PTPRN2: variants seen among roughly 807,000 people sequenced by gnomAD.
The protein encoded by PTPRN2 is protein tyrosine phosphatase receptor type N2, also known as receptor-type tyrosine-protein phosphatase N2.
A neutral mutation model predicts 118.8 loss-of-function variants in PTPRN2; 74 were observed. The observed-to-expected ratio is 0.62, with a 90% CI of 0.52 to 0.76. PTPRN2 has a LOEUF of 0.76. Ranked by LOEUF, PTPRN2 falls within the 30% of genes least tolerant of loss-of-function variation. The probability of loss-of-function intolerance (pLI) is 0.00; values close to 1 mark genes in which losing one functional copy is unlikely to be tolerated. For missense variants in PTPRN2, 1,481 were observed against 1,394.4 expected (o/e 1.06, Z -0.99); for synonymous variants, 641 against 608.0 (o/e 1.05, Z -0.80).
intron 5 of PTPRN2, among the ~76,000 whole-genome samples, chr7:158,188,269 CCCCT>C (rs1345308244): frequency 7.7e-5 from 8 of 104,064 alleles, no homozygotes; most frequent in Admixed American, 1.0e-4. Flanking sequence ...CCACGCTCGC[CCCCT>C]GTATGGGGAA....
intron 12 of PTPRN2, among the ~76,000 whole-genome samples, chr7:157,712,948 T>C (rs1798722315): frequency 6.6e-6 from 1 of 152,054 alleles, no homozygotes; most frequent in Admixed American, 6.6e-5. Context: ...CTCCCAGCAC[T>C]GTGGGAGAAT....
Position 157,973,121 on chromosome 7 carries a change from C to T in PTPRN2, c.1724-74384G>A, listed in dbSNP as rs59986558. ...CATAAGCCTGCACTCTGGGCTGCAG[C>T]GGCCTCACTGGCCTGCAGGAGAGGC... On this transcript the variant is annotated intron_variant, in intron 11 of 22. Coordinates refer to ENST00000389418, the MANE Select transcript of PTPRN2 (RefSeq NM_002847.5). 2.0e-3 allele frequency among the ~76,000 whole-genome samples: 306 copies of T among 152,310 alleles called. 2 individuals carry two copies. Among genetic ancestry groups the T allele is most frequent in the African/African-American group, 7.0e-3 (291 of 41,568 alleles).
chr7:158,313,321 C>A (rs539200089), intron 3 of PTPRN2, among the ~76,000 whole-genome samples: 2 of 152,324 alleles, frequency 1.3e-5, no homozygotes, highest in East Asian at 3.9e-4. Flanking sequence ...CCAGGACACA[C>A]CCCACAGCTG....
chr7:158,332,548 C>A (rs4909185), intron 2 of PTPRN2, among the ~76,000 whole-genome samples: 2 of 112,898 alleles, frequency 1.8e-5, no homozygotes, highest in Non-Finnish European at 3.7e-5. Context: ...TCCATACTCT[C>A]ACCATAAGAG....
intron 2 of PTPRN2, among the ~76,000 whole-genome samples, chr7:158,361,753 G>A (rs1347633806): frequency 1.3e-5 from 2 of 152,098 alleles, no homozygotes; most frequent in Non-Finnish European, 2.9e-5. Context: ...TACCAACAAG[G>A]GCCCCAGGAA....
rs1807597177 is a variant in PTPRN2, at chr7:157,831,951, G to T, written c.1788+66722C>A. Among the ~76,000 whole-genome samples the T allele has an allele frequency of 6.6e-6, 1 of 152,248 alleles. No individual in the cohort carries two copies. The highest frequency in any genetic ancestry group is 2.4e-5 in the African/African-American group (1 of 41,472). On this transcript the variant is annotated intron_variant, in intron 12 of 22. Coordinates refer to ENST00000389418, the MANE Select transcript of PTPRN2 (RefSeq NM_002847.5). The surrounding 1 kb of genome is among the most constrained non-coding windows in gnomAD (Gnocchi z 4.8). ...GTTGTTGGAAAACGGAAAGAAGTTT[G>T]TCTGGCAGTTGCTTCGTCTGCATGA...
At chr7:158,018,272 A>G (rs969162368) in intron 11 of PTPRN2, among the ~76,000 whole-genome samples, 2 of 152,246 alleles carry the variant, frequency 1.3e-5, no homozygotes, top group Non-Finnish European at 2.9e-5. Context: ...CATACAAATT[A>G]GCACAACAGG....
At position 157,670,220 on chromosome 7, in the gene PTPRN2, CA is replaced by C. The variant is rs1246370088; in HGVS notation, c.2001+12504del. ...GGGTGGCTGGGAAACGCAGGTGCTC[CA>C]CGTGAAGCACAGAAGGCACGTACGG... On this transcript the variant is annotated intron_variant, in intron 13 of 22. Coordinates refer to ENST00000389418, the MANE Select transcript of PTPRN2 (RefSeq NM_002847.5). 5.9e-5 allele frequency among the ~76,000 whole-genome samples: 9 copies of C among 152,282 alleles called. No individual in the cohort carries two copies. The South Asian group carries it at 1.5e-3, about 25-fold the overall frequency.
intron 3 of PTPRN2, among the ~76,000 whole-genome samples, chr7:158,234,304 G>A (rs1829375503): frequency 6.6e-6 from 1 of 150,696 alleles, no homozygotes; most frequent in Admixed American, 6.6e-5. Flanking sequence ...TTAAAAATGG[G>A]CAAAAGATCT....
At chr7:158,180,727 GATTT>G (rs1824632977) in intron 5 of PTPRN2, among the ~76,000 whole-genome samples, 1 of 152,098 alleles carries the variant, frequency 6.6e-6, no homozygotes. Flanking sequence ...TTGAGTTCTT[GATTT>G]GATTCTCAGC....
intron 2 of PTPRN2, among the ~76,000 whole-genome samples, chr7:158,405,589 G>T (rs1813344073): frequency 6.6e-6 from 1 of 152,224 alleles, no homozygotes; most frequent in Non-Finnish European, 1.5e-5. Context: ...CTTTACTGCA[G>T]CAAGAGACGA....
At chr7:157,815,905 C>A (rs371288593) in intron 12 of PTPRN2, among the ~76,000 whole-genome samples, 3 of 152,214 alleles carry the variant, frequency 2.0e-5, no homozygotes, top group African/African-American at 7.2e-5. Context: ...AAGAGCTGGG[C>A]GGCAAGATTC....
At chr7:158,435,033 A>C (rs1306159309) in intron 2 of PTPRN2, among the ~76,000 whole-genome samples, 1 of 152,240 alleles carries the variant, frequency 6.6e-6, no homozygotes, top group Non-Finnish European at 1.5e-5. Flanking sequence ...AACCTTCATG[A>C]CATTGGTCTT....
chr7:158,194,086 C>G (rs1039429066), intron 4 of PTPRN2, among the ~76,000 whole-genome samples: 2 of 150,650 alleles, frequency 1.3e-5, no homozygotes, highest in Middle Eastern at 3.4e-3. Context: ...GACCCTGTTT[C>G]AACAACAACA....
Position 157,590,339 on chromosome 7 carries a change from A to T in PTPRN2, c.2496+4899T>A, listed in dbSNP as rs1359332900. Among the ~76,000 whole-genome samples, 1 of 152,208 alleles carries T rather than the reference A, an allele frequency of 6.6e-6. No homozygotes were observed. Among genetic ancestry groups the T allele is most frequent in the Non-Finnish European group, 1.5e-5 (1 of 68,032 alleles). ...CACTGATTTCTGAACTGTAACTCAG[A>T]CTTCCACAGACCCCTCTGAGCTGGA... On this transcript the variant is annotated intron_variant, in intron 17 of 22. Transcript: ENST00000389418. This position sits in a 1 kb window ranked among gnomAD's most constrained non-coding sequence, Gnocchi z 4.0.
intron 3 of PTPRN2, among the ~76,000 whole-genome samples, chr7:158,278,817 G>A (rs188428120): frequency 1.5e-4 from 23 of 152,230 alleles, no homozygotes; most frequent in East Asian, 5.8e-4. Flanking sequence ...TAAACACAGC[G>A]CATCCAGAAT....
At chr7:158,048,798 A>G (rs1445899544) in intron 11 of PTPRN2, among the ~76,000 whole-genome samples, 1 of 125,120 alleles carries the variant, frequency 8.0e-6, no homozygotes, top group Admixed American at 7.7e-5. Context: ...CACCACTACC[A>G]TCACCACCAT....
intron 2 of PTPRN2, among the ~76,000 whole-genome samples, chr7:158,343,184 C>T (rs954938044): frequency 1.3e-5 from 2 of 152,082 alleles, no homozygotes; most frequent in Non-Finnish European, 2.9e-5. Flanking sequence ...ATCCAAAATA[C>T]ATAAAGAACC....
intron 15 of PTPRN2, among the ~76,000 whole-genome samples, chr7:157,613,740 T>C (rs1272511784): frequency 6.6e-6 from 1 of 152,172 alleles, no homozygotes; most frequent in Non-Finnish European, 1.5e-5. Context: ...CGGCCGTGGA[T>C]GAGCAAACCT....
Sources: allele counts gnomAD v4.1 joint callset (sites outside exome capture counted in the v4.1 genomes callset), GRCh38; gene constraint gnomAD v4.1.1; non-coding constraint Gnocchi (gnomAD v3.1); transcripts MANE v1.5; gene names NCBI Gene and HGNC (gene_info 2026-07-23, HGNC 2026-07-21).